RGS17: variants seen among roughly 807,000 people sequenced by gnomAD.
The protein encoded by RGS17 is regulator of G protein signaling 17.
A neutral mutation model predicts 25.5 loss-of-function variants in RGS17; 12 were observed. That is an observed-to-expected ratio of 0.47 (90% CI 0.30 to 0.76). The LOEUF is 0.76. RGS17 is among the 30% of genes least tolerant of loss of function. RGS17 has a pLI of 0.07. For synonymous variants in RGS17, 71 were observed against 76.9 expected, an observed-to-expected ratio of 0.92 and a Z score of 0.40; for missense variants, 196 against 242.2, an observed-to-expected ratio of 0.81 and a Z score of 1.27.
chr6:153,124,837 T>G (rs1488741840), intron 1 of RGS17, among the ~76,000 whole-genome samples: 3 of 152,166 alleles, frequency 2.0e-5, no homozygotes, highest in Non-Finnish European at 4.4e-5. Context: ...AATCAAATCC[T>G]GAAAAAATAG....
intron 1 of RGS17, among the ~76,000 whole-genome samples, chr6:153,101,592 A>G (rs1014434607): frequency 3.3e-5 from 5 of 152,128 alleles, no homozygotes; most frequent in African/African-American, 4.8e-5. Flanking sequence ...TGGTGACTAC[A>G]TATGTTATGT....
chr6:153,015,326 G>A (rs969034767), intron 4 of RGS17, among the ~76,000 whole-genome samples: 2 of 152,208 alleles, frequency 1.3e-5, no homozygotes, highest in Non-Finnish European at 2.9e-5. Context: ...TGGGTAAAAT[G>A]CTACCAAACA....
At chr6:153,014,166 TG>T (rs773476004) in intron 4 of RGS17, among the ~76,000 whole-genome samples, 1 of 152,190 alleles carries the variant, frequency 6.6e-6, no homozygotes, top group East Asian at 1.9e-4. Flanking sequence ...CAGATACGAA[TG>T]CTTATTTACC....
chr6:153,100,261 A>G (rs1013430417), intron 1 of RGS17, among the ~76,000 whole-genome samples: 1 of 152,164 alleles, frequency 6.6e-6, no homozygotes, highest in African/African-American at 2.4e-5. Context: ...TCTACATCAT[A>G]TATTTTTTGT....
At chr6:153,030,024 G>C (rs1033629588) in intron 2 of RGS17, among the ~76,000 whole-genome samples, 13 of 152,190 alleles carry the variant, frequency 8.5e-5, no homozygotes, top group African/African-American at 3.1e-4. Context: ...TGAGGGTCTT[G>C]ATCAAACCTT....
intron 1 of RGS17, among the ~76,000 whole-genome samples, chr6:153,103,719 T>A (rs1412322885): frequency 6.6e-6 from 1 of 152,260 alleles, no homozygotes; most frequent in Admixed American, 6.5e-5. Flanking sequence ...TATCTTTTCT[T>A]TTCTTTTGGG....
intron 1 of RGS17, among the ~76,000 whole-genome samples, chr6:153,051,761 G>A (rs565154441): frequency 3.3e-4 from 51 of 152,250 alleles, no homozygotes; most frequent in Admixed American, 1.2e-3. Flanking sequence ...TTATGAGCTT[G>A]GAAAATTCTC....
intron 1 of RGS17, among the ~76,000 whole-genome samples, chr6:153,109,950 T>C (rs1037057162): frequency 6.6e-6 from 1 of 152,252 alleles, no homozygotes; most frequent in African/African-American, 2.4e-5. Context: ...AACATACAAA[T>C]AGATAAACAA....
chr6:153,100,026 G>A (rs190025231), intron 1 of RGS17, among the ~76,000 whole-genome samples: 180 of 152,062 alleles, frequency 1.2e-3, no homozygotes, highest in African/African-American at 3.8e-3. Context: ...GGGCAGAAAG[G>A]GAAATTAATA....
chr6:153,020,840 C>G (rs930531444), intron 4 of RGS17, among the ~76,000 whole-genome samples: 1 of 152,072 alleles, frequency 6.6e-6, no homozygotes, highest in African/African-American at 2.4e-5. Context: ...AAATGAGAAA[C>G]AGATAGGAAC....
At chr6:153,019,845 T>C (rs1023485602) in intron 4 of RGS17, among the ~76,000 whole-genome samples, 7 of 151,978 alleles carry the variant, frequency 4.6e-5, no homozygotes, top group Non-Finnish European at 8.8e-5. Flanking sequence ...CAATGCAAGA[T>C]TGGCCTAACA....
At chr6:153,085,206 C>T (rs1019754062) in intron 1 of RGS17, among the ~76,000 whole-genome samples, 10 of 152,210 alleles carry the variant, frequency 6.6e-5, no homozygotes, top group Non-Finnish European at 1.3e-4. Flanking sequence ...ATTTAATTTC[C>T]ATGATTGACT....
At chr6:153,098,030 T>A (rs1420424359) in intron 1 of RGS17, among the ~76,000 whole-genome samples, 1 of 152,118 alleles carries the variant, frequency 6.6e-6, no homozygotes, top group East Asian at 1.9e-4. Flanking sequence ...GGTGAAAAAC[T>A]ATCACTTCCA....
chr6:153,080,406 T>C lies in RGS17; in HGVS notation c.-25-36363A>G, dbSNP rs1776957119. Among the ~76,000 whole-genome samples, 3 of 152,308 alleles carry C rather than the reference T, an allele frequency of 2.0e-5. No homozygotes were observed. The South Asian group carries it at 6.2e-4, about 32-fold the overall frequency. ...ATTTATCGCGCTACCCTCCTCTTTT[T>C]TTCATTCTTGATATTGGTAATTTCT... On this transcript the variant is annotated intron_variant, in intron 1 of 4. Coordinates refer to ENST00000206262, the MANE Select transcript of RGS17 (RefSeq NM_012419.5).
In RGS17 at chr6:153,026,477, C is replaced by G; in HGVS notation, c.186G>C (p.Glu62Asp). 1 of 1,613,098 alleles carries G rather than the reference C, an allele frequency of 6.2e-7. No homozygotes were observed. Among genetic ancestry groups the G allele is most frequent in the South Asian group, 1.1e-5 (1 of 91,006 alleles). ...AGRPTHTTKMESIQVLEECQN... is the reference protein window; with the variant it reads ...AGRPTHTTKMDSIQVLEECQN... ...ACCATTCCTCTAGGACCTGGATACT[C>G]TCCATTTTTGTAGTGTGTGTGGGTC... The change falls in exon 3 of 5, where the codon GAG becomes GAC. Residue 62 changes from glutamate (E) to aspartate (D), a missense_variant. Physicochemically the swap from Glu to Asp is conservative, Grantham distance 45. Coordinates refer to ENST00000206262, the MANE Select transcript of RGS17 (RefSeq NM_012419.5).
At chr6:153,043,792 C>T in intron 2 of RGS17, 108 bp downstream of exon 2, 1 of 644,512 alleles carries the variant, frequency 1.6e-6, no homozygotes, top group African/African-American at 1.9e-5. Flanking sequence ...AAAGAAAGAA[C>T]AAAAAAAGAC....
chr6:153,082,154 T>A (rs900048278), intron 1 of RGS17, among the ~76,000 whole-genome samples: 1 of 152,224 alleles, frequency 6.6e-6, no homozygotes, highest in Non-Finnish European at 1.5e-5. Flanking sequence ...TGGCTCTTTT[T>A]AAGACTGCTG....
chr6:153,019,037 T>C (rs532588950), intron 4 of RGS17, among the ~76,000 whole-genome samples: 1 of 152,356 alleles, frequency 6.6e-6, no homozygotes, highest in East Asian at 1.9e-4. Flanking sequence ...AGATGGTAAC[T>C]GGGAAGTTAG....
chr6:153,059,774 T>A (rs1004405622), intron 1 of RGS17, among the ~76,000 whole-genome samples: 1 of 152,348 alleles, frequency 6.6e-6, no homozygotes, highest in Admixed American at 6.5e-5. Flanking sequence ...CTGATGATAT[T>A]TCTTCAGAAT....
Sources: allele counts gnomAD v4.1 joint callset (sites outside exome capture counted in the v4.1 genomes callset), GRCh38; gene constraint gnomAD v4.1.1; transcripts MANE v1.5; gene names NCBI Gene and HGNC (gene_info 2026-07-23, HGNC 2026-07-21).